KIF24: variants seen among roughly 807,000 people sequenced by gnomAD.
KIF24 encodes kinesin-like protein KIF24.
In KIF24, 81 loss-of-function variants were observed where a neutral mutation model predicts 118.9. The ratio of observed to expected loss-of-function variants is 0.68; its 90% CI spans 0.57 to 0.82. The LOEUF (loss-of-function observed/expected upper bound fraction) is 0.82. Among genes scored for constraint, KIF24 ranks in the 40% least tolerant of loss-of-function variants. The pLI is 0.00. For synonymous variants in KIF24, 599 were observed against 610.0 expected (o/e 0.98, Z 0.27); for missense variants, 1,560 against 1,661.6 (o/e 0.94, Z 1.06).
chr9:34,331,405 G>A (rs772054865), upstream of KIF24, among the ~76,000 whole-genome samples: 74 of 152,218 alleles, frequency 4.9e-4, no homozygotes, highest in Admixed American at 1.2e-3. Context: ...TACAAATGAG[G>A]AAGTTAAGTA....
upstream of KIF24, among the ~76,000 whole-genome samples, chr9:34,330,194 G>T (rs1034737087): frequency 1.3e-5 from 2 of 152,196 alleles, no homozygotes; most frequent in Non-Finnish European, 2.9e-5. Flanking sequence ...ACGAGGTCAG[G>T]AGATCGAGAC....
At chr9:34,315,175 AT>A (rs960847565) in intron 1 of KIF24, among the ~76,000 whole-genome samples, 2 of 152,114 alleles carry the variant, frequency 1.3e-5, no homozygotes, top group African/African-American at 2.4e-5. Flanking sequence ...TATTTTTTAA[AT>A]TTTGAAACTA....
At chr9:34,308,683 T>G (rs899540440) in intron 2 of KIF24, among the ~76,000 whole-genome samples, 1 of 152,228 alleles carries the variant, frequency 6.6e-6, no homozygotes, top group Non-Finnish European at 1.5e-5. Context: ...AGAAAATGTT[T>G]GGTCCTTTTT....
chr9:34,295,248 T>C (rs13285412), intron 4 of KIF24, among the ~76,000 whole-genome samples: 71,796 of 148,594 alleles, frequency 0.48, 20,009 homozygotes, highest in South Asian at 0.64. Flanking sequence ...CTTGCTCTGT[T>C]GCCCAGGCTG....
At chr9:34,279,271 G>A (rs1587932111) in intron 6 of KIF24, among the ~76,000 whole-genome samples, 1 of 152,244 alleles carries the variant, frequency 6.6e-6, no homozygotes, top group East Asian at 1.9e-4. Context: ...TTATCTACAT[G>A]TTTCAGGCTC....
At chr9:34,307,860 G>GAAAAAAAA (rs57149308) in intron 2 of KIF24, among the ~76,000 whole-genome samples, 7 of 113,986 alleles carry the variant, frequency 6.1e-5, no homozygotes, top group African/African-American at 1.4e-4. Flanking sequence ...GACTCTGTCT[G>GAAAAAAAA]AAAAAAAAAA....
chr9:34,266,980 T>A (rs1276396050), intron 8 of KIF24, among the ~76,000 whole-genome samples: 1 of 152,172 alleles, frequency 6.6e-6, no homozygotes, highest in Admixed American at 6.5e-5. Flanking sequence ...AACAAACTCA[T>A]ATTATGTTTA....
Position 34,310,867 on chromosome 9 carries a change from A to G in KIF24, c.480T>C (p.Asp160=). The change falls in exon 2 of 13, where the codon GAT becomes GAC. Residue 160 remains aspartate (D), a synonymous_variant. Transcript: ENST00000402558. Reference sequence around the variant, plus strand: ...TGCTGATTTCTGTTTGCACATAGGAATCACCAGCTGTGGCATTCAGAATTC... The same window carrying G: ...TGCTGATTTCTGTTTGCACATAGGAGTCACCAGCTGTGGCATTCAGAATTC... ...KTGILNATAG[D]SYVQTEISTS... 1 of 1,614,044 alleles carries G rather than the reference A, an allele frequency of 6.2e-7. No homozygotes were observed. Among genetic ancestry groups the G allele is most frequent in the South Asian group, 1.1e-5 (1 of 91,086 alleles).
chr9:34,258,054 A>C (rs978075715), intron 10 of KIF24, 73 bp from the exon 11 acceptor site: 2 of 1,152,182 alleles, frequency 1.7e-6, no homozygotes, highest in African/African-American at 3.1e-5. Context: ...GCTTTCTGGG[A>C]AAACAAAAAC....
At chr9:34,279,101 C>T (rs557150093) in intron 6 of KIF24, among the ~76,000 whole-genome samples, 1 of 152,102 alleles carries the variant, frequency 6.6e-6, no homozygotes, top group South Asian at 2.1e-4. Context: ...GAGACTCTAC[C>T]TCAAAAAAAC....
chr9:34,301,038 C>T (rs1180819943), intron 3 of KIF24, among the ~76,000 whole-genome samples: 1 of 152,096 alleles, frequency 6.6e-6, no homozygotes, highest in African/African-American at 2.4e-5. Context: ...AGTATCTTTC[C>T]TTCCAATAAG....
At chr9:34,284,467 T>C (rs28649945) in intron 6 of KIF24, among the ~76,000 whole-genome samples, 6,970 of 152,056 alleles carry the variant, frequency 0.046, 571 homozygotes, top group African/African-American at 0.16. Flanking sequence ...AATGGATAAA[T>C]TGTGGTATAT....
Position 34,318,694 on chromosome 9 carries a change from G to C in KIF24, c.-25-7323C>G, listed in dbSNP as rs1837412251. 5 of 1,534,798 alleles carry C rather than the reference G, an allele frequency of 3.3e-6. No individual in the cohort carries two copies. The highest frequency in any genetic ancestry group is 2.3e-5 in the South Asian group (2 of 86,818). ...CGGCGTCGGAGGCCAAGGCAGTGCTGAGTGCCAAGCAGCTGAGCGACGAGG... is the reference window on the plus strand; with the variant it reads ...CGGCGTCGGAGGCCAAGGCAGTGCTCAGTGCCAAGCAGCTGAGCGACGAGG... On this transcript the variant is annotated intron_variant, in intron 1 of 12. Coordinates refer to ENST00000402558, the MANE Select transcript of KIF24 (RefSeq NM_194313.4). This position sits in a 1 kb window ranked among gnomAD's most constrained non-coding sequence, Gnocchi z 4.9.
chr9:34,315,202 T>A (rs1360942481), intron 1 of KIF24, among the ~76,000 whole-genome samples: 2 of 152,254 alleles, frequency 1.3e-5, no homozygotes, highest in East Asian at 3.9e-4. Flanking sequence ...CTGTATTATT[T>A]ATTTTAAACA....
chr9:34,275,745 C>G (rs1835636318), intron 6 of KIF24, among the ~76,000 whole-genome samples: 1 of 151,904 alleles, frequency 6.6e-6, no homozygotes, highest in African/African-American at 2.4e-5. Context: ...GAGGCTGAGG[C>G]AGGGGAATAG....
In KIF24 at chr9:34,255,812, CCTTG is replaced by C. The variant is rs1252610546; in HGVS notation, c.3791_3794del (p.Ala1264GlyfsTer51). ...AGCTGGGAACCAAGGGAGAACTTGGCCTTGCTAAGCACCTTGAGATCGGCCTGGG... is the reference window on the plus strand; with the variant it reads ...AGCTGGGAACCAAGGGAGAACTTGGCCTAAGCACCTTGAGATCGGCCTGGG... On this transcript the variant is annotated frameshift_variant, in exon 11 of 13. Transcript: ENST00000402558. LOFTEE classifies it high-confidence loss of function. The C allele has an allele frequency of 6.2e-7, 1 of 1,613,846 alleles. No individual in the cohort carries two copies. Among genetic ancestry groups the C allele is most frequent in the Non-Finnish European group, 8.5e-7 (1 of 1,179,830 alleles).
At chr9:34,283,648 A>G (rs1835935010) in intron 6 of KIF24, among the ~76,000 whole-genome samples, 1 of 152,216 alleles carries the variant, frequency 6.6e-6, no homozygotes, top group Non-Finnish European at 1.5e-5. Flanking sequence ...CAACATGCTT[A>G]TGATACAAAT....
At chr9:34,299,830 G>C (rs1026901567) in intron 3 of KIF24, among the ~76,000 whole-genome samples, 14 of 150,894 alleles carry the variant, frequency 9.3e-5, no homozygotes, top group Non-Finnish European at 8.9e-5. Context: ...GTGCGTGTGT[G>C]TGTGTGTGTG....
chr9:34,306,521 A>G (rs1836925929), intron 2 of KIF24, 80 bp from the exon 3 acceptor site: 5 of 1,020,368 alleles, frequency 4.9e-6, no homozygotes, highest in Non-Finnish European at 7.2e-6. Context: ...GGTACCTTTT[A>G]GCCGGGCGCG....
Sources: allele counts gnomAD v4.1 joint callset (sites outside exome capture counted in the v4.1 genomes callset), GRCh38; gene constraint gnomAD v4.1.1; non-coding constraint Gnocchi (gnomAD v3.1); transcripts MANE v1.5; gene names NCBI Gene and HGNC (gene_info 2026-07-23, HGNC 2026-07-21).